Variants in FUT9 observed in about 807,000 individuals in gnomAD.
The protein encoded by FUT9 is fucosyltransferase 9.
FUT9 carries 15 observed loss-of-function variants against 29.7 expected under a neutral mutation model. That is an observed-to-expected ratio of 0.51 (90% CI 0.34 to 0.78). FUT9 has a LOEUF of 0.78. Ranked by LOEUF, FUT9 falls within the 30% of genes least tolerant of loss-of-function variation. The pLI is 0.01. For synonymous variants in FUT9, 169 were observed against 153.7 expected, an observed-to-expected ratio of 1.10 and a Z score of -0.74; for missense variants, 319 against 425.4, an observed-to-expected ratio of 0.75 and a Z score of 2.20.
intron 2 of FUT9, among the ~76,000 whole-genome samples, chr6:96,131,377 A>C (rs1357655587): frequency 6.6e-6 from 1 of 151,996 alleles, no homozygotes; most frequent in Non-Finnish European, 1.5e-5. Flanking sequence ...TTATATTGTA[A>C]GTGGTTGCCA....
chr6:96,039,949 A>AT (rs58088819), intron 1 of FUT9, among the ~76,000 whole-genome samples: 84,959 of 150,780 alleles, frequency 0.56, 24,027 homozygotes, highest in East Asian at 0.75. Context: ...AATTCAAACT[A>AT]TTTTTTTTTC....
At chr6:96,155,037 A>G (rs929432069) in intron 2 of FUT9, among the ~76,000 whole-genome samples, 2 of 152,202 alleles carry the variant, frequency 1.3e-5, no homozygotes, top group African/African-American at 4.8e-5. Context: ...CTCTCAAATC[A>G]CAAAAGCATT....
intron 1 of FUT9, among the ~76,000 whole-genome samples, chr6:96,098,548 CTGTTCTAGCCTG>C (rs1771538400): frequency 6.6e-6 from 1 of 152,148 alleles, no homozygotes; most frequent in South Asian, 2.1e-4. Flanking sequence ...GTTTCAGCCA[CTGTTCTAGCCTG>C]TGAAGCTCTT....
intron 2 of FUT9, among the ~76,000 whole-genome samples, chr6:96,170,149 T>G (rs1773084756): frequency 6.6e-6 from 1 of 152,178 alleles, no homozygotes; most frequent in Admixed American, 6.5e-5. Flanking sequence ...AAGCTCAATT[T>G]CACTTTGCCA....
At chr6:96,085,625 C>G (rs1356723080) in intron 1 of FUT9, among the ~76,000 whole-genome samples, 1 of 152,054 alleles carries the variant, frequency 6.6e-6, no homozygotes, top group Non-Finnish European at 1.5e-5. Context: ...TTGTCAAACC[C>G]CAGTGGACTA....
At chr6:96,043,196 C>A (rs567641053) in intron 1 of FUT9, among the ~76,000 whole-genome samples, 1 of 152,186 alleles carries the variant, frequency 6.6e-6, no homozygotes, top group South Asian at 2.1e-4. Context: ...GGACTACAGG[C>A]GCCCACCACC....
At position 96,210,193 on chromosome 6, in the gene FUT9, G is replaced by A. The variant is rs1288937450; in HGVS notation, c.*5958G>A. On this transcript the variant is annotated 3_prime_UTR_variant, in exon 3 of 3. Coordinates refer to ENST00000302103, the MANE Select transcript of FUT9 (RefSeq NM_006581.4). ...TGGGTAGTATTCTATTAAATATGAGGTATTACCTTTCTTTAGTTCACCTGG... is the reference window on the plus strand; with the variant it reads ...TGGGTAGTATTCTATTAAATATGAGATATTACCTTTCTTTAGTTCACCTGG... The A allele has an allele frequency of 6.0e-6, 1 of 166,798 alleles. No individual in the cohort carries two copies. The highest frequency in any genetic ancestry group is 2.4e-5 in the African/African-American group (1 of 41,366). The allele number at this position is 166,798 out of a possible 1,614,324, so 10.3% of individuals were successfully genotyped here. A position where few individuals can be genotyped will look rare whatever the true frequency, so the allele number is the denominator to read the frequency against.
chr6:96,173,524 C>T (rs1000854811), intron 2 of FUT9, among the ~76,000 whole-genome samples: 1 of 151,972 alleles, frequency 6.6e-6, no homozygotes, highest in Non-Finnish European at 1.5e-5. Context: ...AGAATTGGGC[C>T]TTCAGTATGT....
chr6:96,108,441 A>G (rs1771733981), intron 1 of FUT9, among the ~76,000 whole-genome samples: 1 of 152,178 alleles, frequency 6.6e-6, no homozygotes, highest in Non-Finnish European at 1.5e-5. Context: ...GTACTACTTC[A>G]TAAGCTCGTT....
At chr6:96,079,953 C>A (rs562990183) in intron 1 of FUT9, among the ~76,000 whole-genome samples, 1 of 151,942 alleles carries the variant, frequency 6.6e-6, no homozygotes, top group Non-Finnish European at 1.5e-5. Flanking sequence ...TAATGATTCT[C>A]ACCAAAAATA....
chr6:96,100,906 A>C (rs1771575720), intron 1 of FUT9, among the ~76,000 whole-genome samples: 2 of 152,224 alleles, frequency 1.3e-5, no homozygotes, highest in South Asian at 4.1e-4. Flanking sequence ...GGAAAGATAC[A>C]TTAAAAGTTA....
intron 2 of FUT9, among the ~76,000 whole-genome samples, chr6:96,174,524 A>G (rs1773170126): frequency 6.6e-6 from 1 of 152,154 alleles, no homozygotes; most frequent in Admixed American, 6.6e-5. Flanking sequence ...AAGTACAGCA[A>G]TACTTGCAGG....
chr6:96,120,244 A>G (rs1042144769), intron 2 of FUT9, among the ~76,000 whole-genome samples: 1 of 148,524 alleles, frequency 6.7e-6, no homozygotes, highest in African/African-American at 2.5e-5. Context: ...TCCTTTTTAT[A>G]AGACCCACTT....
At chr6:96,163,051 T>G (rs1296317839) in intron 2 of FUT9, among the ~76,000 whole-genome samples, 1 of 152,176 alleles carries the variant, frequency 6.6e-6, no homozygotes, top group Non-Finnish European at 1.5e-5. Context: ...GGATTTTGGC[T>G]CTTCATTGTG....
chr6:96,135,203 GGTGT>G lies in FUT9; in HGVS notation c.-9+21079_-9+21082del, dbSNP rs2127970876. On this transcript the variant is annotated intron_variant, in intron 2 of 2. Transcript: ENST00000302103. ...TTCTATACAATCTTACAAAAGCTGA[GGTGT>G]GTATAGTATAATCAAATGTTAGTAT... 2.6e-5 allele frequency among the ~76,000 whole-genome samples: 4 copies of G among 151,860 alleles called. No individual in the cohort carries two copies. The South Asian group carries it at 8.3e-4, about 32-fold the overall frequency.
At chr6:96,076,821 G>A (rs73552532) in intron 1 of FUT9, among the ~76,000 whole-genome samples, 20 of 152,126 alleles carry the variant, frequency 1.3e-4, no homozygotes, top group African/African-American at 4.6e-4. Context: ...TGAACTGCTC[G>A]GCTGCAAATG....
At chr6:96,159,640 C>T (rs982282653) in intron 2 of FUT9, among the ~76,000 whole-genome samples, 7 of 152,068 alleles carry the variant, frequency 4.6e-5, no homozygotes, top group South Asian at 2.1e-4. Context: ...TTTCAAAGCC[C>T]CCTTCATGCT....
At position 96,197,293 on chromosome 6, in the gene FUT9, G is replaced by A. The variant is rs889216929; in HGVS notation, c.-8-5855G>A. Among the ~76,000 whole-genome samples, 5 of 152,284 alleles carry A rather than the reference G, an allele frequency of 3.3e-5. No homozygotes were observed. The South Asian group carries it at 1.0e-3, about 32-fold the overall frequency. ...AAAAGTGCTGGTGATCAAAATTGGTGTCATTTGGTGGCAACTTCCTCAGGG... is the reference window on the plus strand; with the variant it reads ...AAAAGTGCTGGTGATCAAAATTGGTATCATTTGGTGGCAACTTCCTCAGGG... On this transcript the variant is annotated intron_variant, in intron 2 of 2. Coordinates refer to ENST00000302103, the MANE Select transcript of FUT9 (RefSeq NM_006581.4).
intron 1 of FUT9, among the ~76,000 whole-genome samples, chr6:96,082,901 T>C (rs1259694449): frequency 6.6e-6 from 1 of 151,998 alleles, no homozygotes; most frequent in Non-Finnish European, 1.5e-5. Context: ...TATTTGTTTC[T>C]AGATACTTTA....
Sources: gnomAD v4.1 joint callset for allele counts (sites outside exome capture counted in the v4.1 genomes callset) on GRCh38, gnomAD v4.1.1 for gene constraint, MANE v1.5 for transcripts, NCBI Gene and HGNC (gene_info 2026-07-23, HGNC 2026-07-21) for gene names.